Variants in SRRM4 observed in about 807,000 individuals in gnomAD.
SRRM4 encodes the protein serine/arginine repetitive matrix 4.
A neutral mutation model predicts 68.9 loss-of-function variants in SRRM4; 33 were observed. The ratio of observed to expected loss-of-function variants is 0.48; its 90% CI spans 0.36 to 0.64. The LOEUF (loss-of-function observed/expected upper bound fraction) is 0.64. Among genes scored for constraint, SRRM4 ranks in the 30% least tolerant of loss-of-function variants. SRRM4 has a pLI of 0.00. For synonymous variants in SRRM4, 318 were observed against 318.8 expected (o/e 1.00, Z 0.03); for missense variants, 817 against 827.1 (o/e 0.99, Z 0.15).
intron 1 of SRRM4, among the ~76,000 whole-genome samples, chr12:118,990,931 T>C (rs1953312702): frequency 6.6e-6 from 1 of 152,208 alleles, no homozygotes; most frequent in Non-Finnish European, 1.5e-5. Context: ...GGAATTCTCC[T>C]GCCTAAGCCT....
At chr12:119,050,113 C>T (rs1157175484) in intron 1 of SRRM4, among the ~76,000 whole-genome samples, 1 of 152,190 alleles carries the variant, frequency 6.6e-6, no homozygotes, top group Non-Finnish European at 1.5e-5. Flanking sequence ...GTGCACTCTT[C>T]ATACCTGAGC....
chr12:119,036,587 T>A (rs575214606), intron 1 of SRRM4, among the ~76,000 whole-genome samples: 1 of 152,284 alleles, frequency 6.6e-6, no homozygotes, highest in South Asian at 2.1e-4. Flanking sequence ...ATTTCACTCA[T>A]CATCTCAGTG....
intron 1 of SRRM4, among the ~76,000 whole-genome samples, chr12:119,048,931 A>G (rs1953724380): frequency 1.3e-5 from 2 of 152,186 alleles, no homozygotes; most frequent in Non-Finnish European, 2.9e-5. Flanking sequence ...CTCAATAACA[A>G]TAATAACAGC....
chr12:119,149,978 C>G (rs1336204709), intron 9 of SRRM4, among the ~76,000 whole-genome samples: 1 of 152,122 alleles, frequency 6.6e-6, no homozygotes, highest in East Asian at 1.9e-4. Flanking sequence ...AATCCTGAAG[C>G]CTCTGTCTTT....
At chr12:119,135,179 G>C (rs1287349150) in intron 8 of SRRM4, among the ~76,000 whole-genome samples, 1 of 152,174 alleles carries the variant, frequency 6.6e-6, no homozygotes. Context: ...TGGGCTGGAT[G>C]ATGGGAAGGT....
intron 2 of SRRM4, among the ~76,000 whole-genome samples, chr12:119,108,285 T>C (rs970129536): frequency 1.3e-5 from 2 of 152,264 alleles, no homozygotes; most frequent in Non-Finnish European, 2.9e-5. Context: ...GAAGAATGTA[T>C]ATTCTCCTGA....
At chr12:119,066,203 A>G (rs2136023995) in intron 1 of SRRM4, among the ~76,000 whole-genome samples, 1 of 152,156 alleles carries the variant, frequency 6.6e-6, no homozygotes, top group East Asian at 1.9e-4. Flanking sequence ...TAATAATAAC[A>G]ATAGCTATTA....
At chr12:119,115,489 C>T (rs564581812) in intron 3 of SRRM4, among the ~76,000 whole-genome samples, 2 of 152,248 alleles carry the variant, frequency 1.3e-5, no homozygotes, top group Non-Finnish European at 2.9e-5. Flanking sequence ...CTGTAGGGGG[C>T]AGCAGAGAGC....
intron 8 of SRRM4, among the ~76,000 whole-genome samples, chr12:119,138,910 C>G (rs965587199): frequency 6.6e-6 from 1 of 152,002 alleles, no homozygotes; most frequent in African/African-American, 2.4e-5. Flanking sequence ...AAAATTGGAC[C>G]AAGGAAGAGA....
chr12:119,134,073 A>G (rs1467746196), intron 8 of SRRM4, among the ~76,000 whole-genome samples: 3 of 152,166 alleles, frequency 2.0e-5, no homozygotes, highest in Non-Finnish European at 2.9e-5. Context: ...CTCTGGAGGT[A>G]AAGAGGAGCC....
intron 1 of SRRM4, among the ~76,000 whole-genome samples, chr12:119,050,933 C>T (rs1312798371): frequency 6.6e-6 from 1 of 152,008 alleles, no homozygotes; most frequent in Non-Finnish European, 1.5e-5. Flanking sequence ...GCTCAGTAGC[C>T]ACCTGTGGCT....
At chr12:119,041,318 G>C (rs1380985041) in intron 1 of SRRM4, among the ~76,000 whole-genome samples, 1 of 152,028 alleles carries the variant, frequency 6.6e-6, no homozygotes, top group East Asian at 1.9e-4. Context: ...ATTTTGATTG[G>C]GCCGCTTAAC....
At chr12:119,036,202 A>G (rs924053759) in intron 1 of SRRM4, among the ~76,000 whole-genome samples, 3 of 152,178 alleles carry the variant, frequency 2.0e-5, no homozygotes, top group African/African-American at 7.2e-5. Flanking sequence ...ACGTCTTCAC[A>G]CTTCAAGTAC....
chr12:118,995,689 C>T (rs1018770762), intron 1 of SRRM4, among the ~76,000 whole-genome samples: 1 of 152,228 alleles, frequency 6.6e-6, no homozygotes, highest in Non-Finnish European at 1.5e-5. Context: ...ACGCTTACCC[C>T]AAGCTGACCC....
chr12:119,043,771 C>T (rs1178520364), intron 1 of SRRM4, among the ~76,000 whole-genome samples: 3 of 133,454 alleles, frequency 2.2e-5, no homozygotes, highest in Non-Finnish European at 3.1e-5. Context: ...CACACATACA[C>T]GCATACACAC....
chr12:119,031,381 A>G (rs1953588666), intron 1 of SRRM4: 1 of 152,204 alleles, frequency 6.6e-6, no homozygotes, highest in Non-Finnish European at 1.5e-5. Flanking sequence ...TAACTTAACT[A>G]AGACATGATA....
intron 9 of SRRM4, among the ~76,000 whole-genome samples, chr12:119,146,357 C>T (rs946668643): frequency 4.6e-5 from 7 of 151,962 alleles, no homozygotes; most frequent in Non-Finnish European, 7.4e-5. Context: ...GAGGCCGAGG[C>T]GGGTGGATCA....
chr12:118,984,553 A>G (rs930711187), intron 1 of SRRM4, among the ~76,000 whole-genome samples: 8 of 152,094 alleles, frequency 5.3e-5, no homozygotes, highest in Non-Finnish European at 1.2e-4. Flanking sequence ...GATGAAGGCC[A>G]CCCCTCTGAA....
rs116603302 is a variant in SRRM4, at chr12:119,080,790, G to A, written c.132-21446G>A. 4.7e-3 allele frequency among the ~76,000 whole-genome samples: 717 copies of A among 152,332 alleles called. 1 individual carries two copies. The highest frequency in any genetic ancestry group is 0.015 in the African/African-American group (624 of 41,572). On this transcript the variant is annotated intron_variant, in intron 1 of 12. Transcript: ENST00000267260. ...TCAAAGCCACACAGCAACAAAGGCT[G>A]TGAAGTGCCCTAAATCTACTCATTC...
Sources: gnomAD v4.1 joint callset for allele counts (sites outside exome capture counted in the v4.1 genomes callset) on GRCh38, gnomAD v4.1.1 for gene constraint, MANE v1.5 for transcripts, NCBI Gene and HGNC (gene_info 2026-07-23, HGNC 2026-07-21) for gene names.